Variants in DQX1 observed in about 807,000 individuals in gnomAD.
DQX1 encodes ATP-dependent RNA helicase homolog DQX1.
In DQX1, 66 loss-of-function variants were observed where a neutral mutation model predicts 81.3. That is an observed-to-expected ratio of 0.81 (90% confidence interval 0.67 to 1.00). The LOEUF (loss-of-function observed/expected upper bound fraction) is 1.00. DQX1 is among the 50% of genes least tolerant of loss of function. The probability of loss-of-function intolerance (pLI) is 0.00; values close to 1 mark genes in which losing one functional copy is unlikely to be tolerated. For synonymous variants in DQX1, 290 were observed against 350.0 expected (o/e 0.83, Z 1.91); for missense variants, 798 against 867.9 (o/e 0.92, Z 1.01).
Position 74,518,367 on chromosome 2 carries a change from G to C in DQX1, c.*79C>G. 2 of 1,536,558 alleles carry C rather than the reference G, an allele frequency of 1.3e-6. No homozygotes were observed. The highest frequency in any genetic ancestry group is 1.8e-6 in the Non-Finnish European group (2 of 1,129,940). ...CCCTAAACTTTGGGCTTCTAAATCT[G>C]TCTGGGTGCTTTGGTGTCACCCTGA... On this transcript the variant is annotated 3_prime_UTR_variant, in exon 12 of 12. Transcript: ENST00000404568.
At chr2:74,523,741 C>T in intron 4 of DQX1, 182 bp downstream of exon 4, 6 of 1,072,546 alleles carry the variant, frequency 5.6e-6, no homozygotes, top group Non-Finnish European at 7.8e-6. Context: ...TGGTAAACCT[C>T]TTTACCCTGA....
chr2:74,522,703 G>A lies in DQX1; in HGVS notation c.1372C>T (p.Leu458=), dbSNP rs1300058389. 1 of 1,614,088 alleles carries A rather than the reference G, an allele frequency of 6.2e-7. No homozygotes were observed. The highest frequency in any genetic ancestry group is 8.5e-7 in the Non-Finnish European group (1 of 1,180,052). ...YLAALDDDGD[L]SDLGVILSEF... The stretch of plus-strand genomic sequence containing the variant: ...GATAGTATGACACCCAGATCTGACA[G>A]GTCCCCATCATCATCCAGGGCTGCC... The change falls in exon 8 of 12, where the codon CTG becomes TTG. Residue 458 remains leucine, a synonymous_variant. Transcript: ENST00000404568.
rs779358968 is a variant in DQX1, at chr2:74,523,781, C to T, written c.816+142G>A. 55 of 1,303,564 alleles carry T rather than the reference C, an allele frequency of 4.2e-5. 1 individual carries two copies. The East Asian group carries it at 1.1e-3, about 25-fold the overall frequency. 80.7% of individuals were successfully genotyped at this position (1,303,564 alleles called of 1,614,324 possible). On this transcript the variant is annotated intron_variant, in intron 4 of 11. Coordinates refer to ENST00000404568, the MANE Select transcript of DQX1 (RefSeq NM_133637.3). Reference sequence around the variant, plus strand: ...CTCAAGTTTTTCTCTGGGACCCCAACGGAGAGTAAATACTGCAACTCTACT... The same window carrying T: ...CTCAAGTTTTTCTCTGGGACCCCAATGGAGAGTAAATACTGCAACTCTACT...
rs766117440 is a variant in DQX1, at chr2:74,519,102, G to T, written c.1935C>A (p.Tyr645Ter). The T allele has an allele frequency of 6.2e-7, 1 of 1,609,754 alleles. No individual in the cohort carries two copies. The highest frequency in any genetic ancestry group is 1.7e-5 in the Admixed American group (1 of 58,676). Residue 645 changes from tyrosine to a stop codon, truncating the protein, a stop_gained, in exon 11 of 12, where the codon TAC (tyrosine) becomes TAA (stop). Transcript: ENST00000404568. LOFTEE classifies it high-confidence loss of function. ...TGTCTTTGGATATGGTGAAATTGTG[G>T]TAGAGCACCCATGGTGGGGGTCTGG... ...APARPPPWVL[Y>*]HNFTISKDNC...
In DQX1 at chr2:74,524,062, C is replaced by G; in HGVS notation, c.677G>C (p.Arg226Thr). The G allele has an allele frequency of 6.2e-7, 1 of 1,614,188 alleles. No homozygotes were observed. The highest frequency in any genetic ancestry group is 1.1e-5 in the South Asian group (1 of 91,084). The change falls in exon 4 of 12, where the codon AGA (arginine) becomes ACA (threonine). Residue 226 changes from arginine to threonine, a missense_variant. Coordinates refer to ENST00000404568, the MANE Select transcript of DQX1 (RefSeq NM_133637.3). The part of the protein sequence containing the change: ...WGNPPIVHIP[R>T]EPGERPSPIY... ...GGGGGAAGGTCTCTCACCAGGCTCT[C>G]TGGGTATATGCACAATAGGAGGATT...
In DQX1 at chr2:74,519,168, C is replaced by T; in HGVS notation, c.1869G>A (p.Gln623=). 1 of 1,612,230 alleles carries T rather than the reference C, an allele frequency of 6.2e-7. No homozygotes were observed. The highest frequency in any genetic ancestry group is 2.2e-5 in the East Asian group (1 of 44,812). The stretch of plus-strand genomic sequence containing the variant: ...TTCGGTAGCAGCAGTATGAGGAGAG[C>T]TGGGCCACATGCTTATGGGTTAGGA... ...YLLLTHKHVA[Q]LSSYCCYRSR... is the part of the protein sequence containing the mutation. The change falls in exon 11 of 12, where the codon CAG becomes CAA. Residue 623 remains glutamine (Q), a synonymous_variant. Coordinates refer to ENST00000404568, the MANE Select transcript of DQX1 (RefSeq NM_133637.3).
chr2:74,521,538 T>A (rs1192819013), intron 8 of DQX1, among the ~76,000 whole-genome samples: 1 of 151,346 alleles, frequency 6.6e-6, no homozygotes, highest in Non-Finnish European at 1.5e-5. Context: ...TAGTCCCAGC[T>A]ACTTGGGAGG....
At chr2:74,522,084 A>G (rs1675045506) in intron 8 of DQX1, among the ~76,000 whole-genome samples, 1 of 152,218 alleles carries the variant, frequency 6.6e-6, no homozygotes, top group Non-Finnish European at 1.5e-5. Flanking sequence ...CATGAGGAGC[A>G]GCGTTACAGA....
At position 74,525,229 on chromosome 2, in the gene DQX1, C is replaced by T. The variant is rs576391036; in HGVS notation, c.238-27G>A. The T allele has an allele frequency of 6.7e-7, 1 of 1,501,586 alleles. No homozygotes were observed. The highest frequency in any genetic ancestry group is 1.4e-5 in the African/African-American group (1 of 71,680). The allele number at this position is 1,501,586 out of a possible 1,614,324, so 93.0% of individuals were successfully genotyped here. A position where few individuals can be genotyped will look rare whatever the true frequency, so the allele number is the denominator to read the frequency against. On this transcript the variant is annotated intron_variant, in intron 2 of 11. Coordinates refer to ENST00000404568, the MANE Select transcript of DQX1 (RefSeq NM_133637.3). The surrounding 1 kb of genome is among the most constrained non-coding windows in gnomAD (Gnocchi z 4.1). The stretch of plus-strand genomic sequence containing the variant: ...TGGGATAGAAGTAGGGAAGGAGAGC[C>T]AGTGAGGAAGATGTAGGACTTCAGT...
rs1389987878 is a variant in DQX1, at chr2:74,525,016, G to C, written c.424C>G (p.Leu142Val). The C allele has an allele frequency of 1.9e-6, 3 of 1,613,476 alleles. No homozygotes were observed. The highest frequency in any genetic ancestry group is 1.1e-5 in the South Asian group (1 of 91,050). Reference sequence around the variant, plus strand: ...GCCTGCAGAGGCCCCCACCTGAGCAGGGTGTTGGGCCCCGTGCAGTCCTCC... The same window carrying C: ...GCCTGCAGAGGCCCCCACCTGAGCACGGTGTTGGGCCCCGTGCAGTCCTCC... Reference protein sequence around the residue: ...PQEDCTGPNTLLRFCWDRLLL... With the variant: ...PQEDCTGPNTVLRFCWDRLLL... The change falls in exon 3 of 12, where the codon CTG becomes GTG. Residue 142 changes from leucine to valine, a missense_variant. Leu to Val is a conservative substitution (Grantham distance 32, BLOSUM62 1). Transcript: ENST00000404568. This position sits in a 1 kb window ranked among gnomAD's most constrained non-coding sequence, Gnocchi z 4.1.
chr2:74,525,437 T>C lies in DQX1; in HGVS notation c.237+56A>G. 6.6e-7 allele frequency: 1 copy of C among 1,516,308 alleles called. No individual in the cohort carries two copies. Among genetic ancestry groups the C allele is most frequent in the South Asian group, 1.2e-5 (1 of 82,196 alleles). 93.9% of individuals were successfully genotyped at this position (1,516,308 alleles called of 1,614,324 possible). ...AGGCCACTTTCCCTTTGTCCTCCCT[T>C]TGTCCTCCCTTTGTCCACTCCCAGA... On this transcript the variant is annotated intron_variant, in intron 2 of 11. Coordinates refer to ENST00000404568, the MANE Select transcript of DQX1 (RefSeq NM_133637.3). This position sits in a 1 kb window ranked among gnomAD's most constrained non-coding sequence, Gnocchi z 4.1.
At position 74,522,645 on chromosome 2, in the gene DQX1, G is replaced by A. The variant is rs767211899; in HGVS notation, c.1430C>T (p.Ala477Val). ...EFPLAPELAKALLASCEFDCV... is the reference protein window; with the variant it reads ...EFPLAPELAKVLLASCEFDCV... ...GTCAAACTCGCATGAGGCCAGCAGG[G>A]CTTTGGCCAGCTCAGGGGCCAGAGG... Residue 477 changes from alanine (A) to valine (V), a missense_variant, in exon 8 of 12, where the codon GCC becomes GTC. Coordinates refer to ENST00000404568, the MANE Select transcript of DQX1 (RefSeq NM_133637.3). 7 of 1,614,216 alleles carry A rather than the reference G, an allele frequency of 4.3e-6. No homozygotes were observed. The Admixed American group carries it at 8.3e-5, about 19-fold the overall frequency.
Position 74,525,843 on chromosome 2 carries a change from C to T in DQX1, c.-19-95G>A, listed in dbSNP as rs1378579613. 1 of 872,886 alleles carries T rather than the reference C, an allele frequency of 1.1e-6. No homozygotes were observed. The highest frequency in any genetic ancestry group is 1.7e-6 in the Non-Finnish European group (1 of 574,930). 54.1% of individuals were successfully genotyped at this position (872,886 alleles called of 1,614,324 possible). ...TCCTTAACCTCTACCTTCAGTTGATCATGCTCTGGGGCCCACCCTTCCCAG... is the reference window on the plus strand; with the variant it reads ...TCCTTAACCTCTACCTTCAGTTGATTATGCTCTGGGGCCCACCCTTCCCAG... On this transcript the variant is annotated intron_variant, in intron 1 of 11. Transcript: ENST00000404568. This position sits in a 1 kb window ranked among gnomAD's most constrained non-coding sequence, Gnocchi z 4.1.
At chr2:74,519,789 C>T in intron 9 of DQX1, 43 bp from the exon 10 acceptor site, 2 of 1,609,290 alleles carry the variant, frequency 1.2e-6, no homozygotes, top group Non-Finnish European at 1.7e-6. Context: ...TCCTTGAGAC[C>T]CCTGAAATAA....
At chr2:74,520,967 C>T (rs1257570574) in intron 8 of DQX1, among the ~76,000 whole-genome samples, 2 of 152,132 alleles carry the variant, frequency 1.3e-5, no homozygotes, top group Non-Finnish European at 2.9e-5. Context: ...GCCACCACGC[C>T]TGGCTGAAGA....
chr2:74,519,929 T>C lies in DQX1; in HGVS notation c.1601A>G (p.Glu534Gly), dbSNP rs910834737. ...GDHSSLIQVY[E>G]AFIQSGADEA... ...GCAGAACTCACTTTGTATAAAGGCT[T>C]CATACACCTGGATCAGAGAACTGTG... The change falls in exon 9 of 12, where the codon GAA becomes GGA. Residue 534 changes from glutamate to glycine, a missense_variant. Coordinates refer to ENST00000404568, the MANE Select transcript of DQX1 (RefSeq NM_133637.3). 5 of 1,614,056 alleles carry C rather than the reference T, an allele frequency of 3.1e-6. No homozygotes were observed. The African/African-American group carries it at 6.7e-5, about 22-fold the overall frequency.
chr2:74,519,630 A>G lies in DQX1; in HGVS notation c.1732T>C (p.Ser578Pro), dbSNP rs768508488. The G allele has an allele frequency of 5.0e-6, 8 of 1,614,234 alleles. No homozygotes were observed. The East Asian group carries it at 1.8e-4, about 36-fold the overall frequency. The change falls in exon 10 of 12, where the codon TCC (serine) becomes CCC (proline). Residue 578 changes from serine to proline, a missense_variant. By Grantham distance (74) the Ser-to-Pro change is moderately conservative (BLOSUM62 -1). Transcript: ENST00000404568. ...ELMQRIELPL[S>P]LPAFGSEQNR... ...TGCTCAGAGCCAAAGGCTGGTAGGG[A>G]CAAGGGAAGTTCAATTCGTTGCATG...
In DQX1 at chr2:74,525,366, C is replaced by T; in HGVS notation, c.237+127G>A. On this transcript the variant is annotated intron_variant, in intron 2 of 11. Transcript: ENST00000404568. The surrounding 1 kb of genome is among the most constrained non-coding windows in gnomAD (Gnocchi z 4.1). ...AACCCATCCCATCTCTCTTCGTTCA[C>T]CTTCCTCATGACCCCACGCAGCCCA... 1 of 1,263,948 alleles carries T rather than the reference C, an allele frequency of 7.9e-7. No individual in the cohort carries two copies. 78.3% of individuals were successfully genotyped at this position (1,263,948 alleles called of 1,614,324 possible).
intron 3 of DQX1, among the ~76,000 whole-genome samples, 158 bp from the exon 4 acceptor site, chr2:74,524,465 C>T (rs1273732902): frequency 6.6e-6 from 1 of 152,218 alleles, no homozygotes; most frequent in East Asian, 1.9e-4. Context: ...TGTCACCCCA[C>T]AACCCCGCTG....
Sources: gnomAD v4.1 joint callset for allele counts (sites outside exome capture counted in the v4.1 genomes callset) on GRCh38, gnomAD v4.1.1 for gene constraint, Gnocchi (gnomAD v3.1) non-coding constraint, MANE v1.5 for transcripts, NCBI Gene and HGNC (gene_info 2026-07-23, HGNC 2026-07-21) for gene names.